The following CD99L2 variants were observed in gnomAD, a reference collection of about 807,000 sequenced individuals.
CD99L2 encodes the protein CD99 molecule like 2, also known as CD99 antigen-like protein 2.
In CD99L2, 24 loss-of-function variants were observed where a neutral mutation model predicts 27.3. The observed-to-expected ratio is 0.88, with a 90% CI of 0.64 to 1.24. CD99L2 has a LOEUF of 1.24. Among genes scored for constraint, CD99L2 ranks in the 50% most tolerant of loss-of-function variants. The pLI is 0.00. For synonymous variants in CD99L2, 97 were observed against 87.9 expected (o/e 1.10, Z -0.58); for missense variants, 255 against 221.6 (o/e 1.15, Z -0.96).
At chrX:150,877,937 G>A (rs1374475527) in intron 1 of CD99L2, among the ~76,000 whole-genome samples, 2 of 104,917 alleles carry the variant, frequency 1.9e-5, no homozygotes, top group African/African-American at 7.1e-5. Flanking sequence ...GGGTAACAGA[G>A]TAAGACCTTA....
intron 4 of CD99L2, among the ~76,000 whole-genome samples, chrX:150,807,704 A>T (rs1557420277): frequency 8.9e-6 from 1 of 112,390 alleles, no homozygotes; most frequent in Non-Finnish European, 1.9e-5. Context: ...CTATCCCAAG[A>T]GGGGGCTGCT....
chrX:150,836,173 C>G (rs782249740), intron 1 of CD99L2, among the ~76,000 whole-genome samples: 2 of 111,346 alleles, frequency 1.8e-5, no homozygotes, highest in East Asian at 5.7e-4. Context: ...CTCAAGCAAA[C>G]CATTATGCAT....
At chrX:150,851,183 A>G (rs1253843941) in intron 1 of CD99L2, among the ~76,000 whole-genome samples, 1 of 112,033 alleles carries the variant, frequency 8.9e-6, no homozygotes, top group Non-Finnish European at 1.9e-5. Context: ...CTCCCCTCCA[A>G]GTCAAGACAT....
At chrX:150,777,584 C>G (rs1442850438) in intron 7 of CD99L2, 102 bp from the exon 8 acceptor site, 2 of 867,995 alleles carry the variant, frequency 2.3e-6, no homozygotes, top group East Asian at 6.3e-5. Flanking sequence ...TCCAATCCCA[C>G]CTATGCGACA....
intron 4 of CD99L2, among the ~76,000 whole-genome samples, chrX:150,802,714 T>C (rs2045930372): frequency 9.9e-6 from 1 of 100,935 alleles, no homozygotes; most frequent in African/African-American, 3.6e-5. Context: ...CCTGAGTCGC[T>C]GGGACTACAG....
Position 150,831,224 on chromosome X carries a change from T to C in CD99L2, c.130+7A>G, listed in dbSNP as rs781815514. 10 of 1,181,999 alleles carry C rather than the reference T, an allele frequency of 8.5e-6. No homozygotes were observed. Among genetic ancestry groups the C allele is most frequent in the Non-Finnish European group, 1.0e-5 (9 of 872,051 alleles). On this transcript the variant is annotated splice_region_variant and intron_variant, in intron 2 of 10. Coordinates refer to ENST00000370377, the MANE Select transcript of CD99L2 (RefSeq NM_031462.4). The stretch of plus-strand genomic sequence containing the variant: ...GTTTTTAATAGTTTATTTGATTTAC[T>C]ACTCACGCTTTACTGAGGAAGTTTC...
intron 7 of CD99L2, among the ~76,000 whole-genome samples, chrX:150,779,483 C>T (rs1345722877): frequency 8.9e-6 from 1 of 112,492 alleles, no homozygotes; most frequent in Non-Finnish European, 1.9e-5. Context: ...ATCTTAGATC[C>T]TTCTGTCCTT....
At chrX:150,830,007 T>C (rs782033065) in intron 2 of CD99L2, among the ~76,000 whole-genome samples, 2 of 109,215 alleles carry the variant, frequency 1.8e-5, no homozygotes, top group Non-Finnish European at 3.8e-5. Flanking sequence ...TACAAAAAAC[T>C]AGCTGGGCGT....
At chrX:150,832,197 A>G (rs1557421087) in intron 1 of CD99L2, among the ~76,000 whole-genome samples, 1 of 113,237 alleles carries the variant, frequency 8.8e-6, no homozygotes, top group African/African-American at 3.2e-5. Flanking sequence ...AATCATATCA[A>G]GTATCTTTTC....
chrX:150,802,576 A>C (rs2045925244), intron 4 of CD99L2, among the ~76,000 whole-genome samples: 1 of 95,665 alleles, frequency 1.0e-5, no homozygotes, highest in African/African-American at 3.9e-5. Context: ...AAAAAAAAGA[A>C]AAGACAATTT....
At chrX:150,891,289 T>C (rs991307308) in intron 1 of CD99L2, among the ~76,000 whole-genome samples, 3 of 112,258 alleles carry the variant, frequency 2.7e-5, no homozygotes, top group East Asian at 2.8e-4. Context: ...CCAGGTCTCA[T>C]TGGGCTAAAC....
intron 1 of CD99L2, among the ~76,000 whole-genome samples, chrX:150,892,315 C>T (rs2047526514): frequency 9.1e-6 from 1 of 110,048 alleles, no homozygotes; most frequent in South Asian, 3.8e-4. Flanking sequence ...GGGAAAAGAA[C>T]AGAACAGGAG....
chrX:150,839,471 G>A (rs902998700), intron 1 of CD99L2, among the ~76,000 whole-genome samples: 2 of 112,079 alleles, frequency 1.8e-5, no homozygotes, highest in South Asian at 7.4e-4. Context: ...AGACCAGCTA[G>A]ATGATAATAC....
chrX:150,856,394 C>A (rs1557421753), intron 1 of CD99L2, among the ~76,000 whole-genome samples: 1 of 111,910 alleles, frequency 8.9e-6, no homozygotes. Flanking sequence ...CACATGCCGA[C>A]TGGGCACTCA....
chrX:150,794,518 G>T (rs782156012), intron 6 of CD99L2, among the ~76,000 whole-genome samples: 1 of 112,200 alleles, frequency 8.9e-6, no homozygotes, highest in African/African-American at 3.2e-5. Context: ...ATTTATGAAC[G>T]GGTAAAAGGT....
At chrX:150,792,986 T>C (rs182949659) in intron 7 of CD99L2, among the ~76,000 whole-genome samples, 1 of 112,025 alleles carries the variant, frequency 8.9e-6, no homozygotes, top group Non-Finnish European at 1.9e-5. Flanking sequence ...ATGGAACAGT[T>C]CTGCCTGCTA....
chrX:150,770,185 G>A, intron 10 of CD99L2, 119 bp downstream of exon 10: 2 of 687,208 alleles, frequency 2.9e-6, no homozygotes, highest in Non-Finnish European at 2.2e-6. Context: ...CTTTTGCTCT[G>A]GCCGGACATT....
chrX:150,824,197 A>G (rs1478112273), intron 2 of CD99L2, among the ~76,000 whole-genome samples: 15 of 65,121 alleles, frequency 2.3e-4, no homozygotes, highest in African/African-American at 4.6e-4. Context: ...AGGAAGAAGA[A>G]GAGGAGGAGG....
chrX:150,879,750 T>TAAAAAAAAAA (rs60706288), intron 1 of CD99L2, among the ~76,000 whole-genome samples: 1 of 19,388 alleles, frequency 5.2e-5, no homozygotes, highest in Non-Finnish European at 8.6e-5. Flanking sequence ...CTACAAAAAC[T>TAAAAAAAAAA]AAAAAAAAAA....
Sources: allele counts gnomAD v4.1 joint callset (sites outside exome capture counted in the v4.1 genomes callset), GRCh38; gene constraint gnomAD v4.1.1; transcripts MANE v1.5; gene names NCBI Gene and HGNC (gene_info 2026-07-23, HGNC 2026-07-21).